The following OTULINL variants were observed in gnomAD, a reference collection of about 807,000 sequenced individuals.
The protein encoded by OTULINL is OTU deubiquitinase with linear linkage specificity like, also known as inactive ubiquitin thioesterase OTULINL.
Under a neutral mutation model 43.9 loss-of-function variants are expected in OTULINL, and 42 were observed. That is an observed-to-expected ratio of 0.96 (90% confidence interval 0.75 to 1.24). The LOEUF (loss-of-function observed/expected upper bound fraction) is 1.24. Among genes scored for constraint, OTULINL ranks in the 50% most tolerant of loss-of-function variants. The probability of loss-of-function intolerance (pLI) is 0.00; values close to 1 mark genes in which losing one functional copy is unlikely to be tolerated. For missense variants in OTULINL, 411 were observed against 426.4 expected (o/e 0.96, Z 0.32); for synonymous variants, 172 against 153.6 (o/e 1.12, Z -0.88).
At chr5:14,595,045 T>G (rs1162900332) in intron 1 of OTULINL, among the ~76,000 whole-genome samples, 1 of 152,196 alleles carries the variant, frequency 6.6e-6, no homozygotes, top group Non-Finnish European at 1.5e-5. Context: ...TTAAGTTCTT[T>G]TAGCCAGGTG....
chr5:14,590,385 G>A (rs892099973), intron 1 of OTULINL, among the ~76,000 whole-genome samples: 1 of 152,188 alleles, frequency 6.6e-6, no homozygotes. Context: ...TGTTTCCAAG[G>A]GGTTTGAGAA....
intron 1 of OTULINL, among the ~76,000 whole-genome samples, chr5:14,592,674 G>A (rs1206698100): frequency 6.6e-6 from 1 of 152,180 alleles, no homozygotes; most frequent in Non-Finnish European, 1.5e-5. Context: ...TTAGCCCAAA[G>A]CATTCTGCAA....
rs1249478192 is a variant in OTULINL, at chr5:14,610,264, A to G, written c.1021A>G (p.Ile341Val). ...PEEPLRDWPE[I>V]SLLTENDRHY... ...GGAGCCTCTCAGGGACTGGCCGGAGATCTCCCTGCTGACCGAGAACGACCG... is the reference window on the plus strand; with the variant it reads ...GGAGCCTCTCAGGGACTGGCCGGAGGTCTCCCTGCTGACCGAGAACGACCG... The change falls in exon 8 of 8, where the codon ATC becomes GTC. Residue 341 changes from isoleucine to valine, a missense_variant. Ile to Val is a conservative substitution (Grantham distance 29, BLOSUM62 3). Coordinates refer to ENST00000274217, the MANE Select transcript of OTULINL (RefSeq NM_019018.3). 1 of 1,613,562 alleles carries G rather than the reference A, an allele frequency of 6.2e-7. No homozygotes were observed. The highest frequency in any genetic ancestry group is 8.5e-7 in the Non-Finnish European group (1 of 1,180,006).
intron 1 of OTULINL, among the ~76,000 whole-genome samples, chr5:14,583,008 G>A (rs906779468): frequency 3.3e-5 from 5 of 152,032 alleles, no homozygotes; most frequent in African/African-American, 9.7e-5. Context: ...ATATTTGTCT[G>A]GAGCCCACTA....
chr5:14,614,878 C>A lies in OTULINL; in HGVS notation c.*4564C>A. ...ACGTATTGGTCCTTATAGTCAGTAC[C>A]ATCAGGTCTTAGATTGTTAAGTCAT... On this transcript the variant is annotated 3_prime_UTR_variant, in exon 8 of 8. Transcript: ENST00000274217. The A allele has an allele frequency of 2.5e-6, 1 of 397,414 alleles. No individual in the cohort carries two copies. Among genetic ancestry groups the A allele is most frequent in the South Asian group, 1.4e-4 (1 of 7,032 alleles). 24.6% of individuals were successfully genotyped at this position (397,414 alleles called of 1,614,324 possible).
At position 14,610,145 on chromosome 5, in the gene OTULINL, A is replaced by T; in HGVS notation, c.902A>T (p.Asp301Val). The T allele has an allele frequency of 6.2e-7, 1 of 1,612,684 alleles. No individual in the cohort carries two copies. The highest frequency in any genetic ancestry group is 8.5e-7 in the Non-Finnish European group (1 of 1,178,836). ...TGTCTTTCATCTCATCCACAGATTG[A>T]TATGTTTATACTTGGATACTCCCTT... is the stretch of plus-strand genomic sequence containing the variant. ...VGDTCGLEQI[D>V]MFILGYSLEV... is the part of the protein sequence containing the mutation. The change falls in exon 8 of 8, where the codon GAT becomes GTT. Residue 301 changes from aspartate to valine, a missense_variant. Transcript: ENST00000274217.
rs767235893 is a variant in OTULINL at position 14,610,297 on chromosome 5, C to G, written c.1054C>G (p.His352Asp). Residue 352 changes from histidine to aspartate, a missense_variant, in exon 8 of 8, where the codon CAC becomes GAC. His to Asp is a moderately conservative substitution (Grantham distance 81). Transcript: ENST00000274217. ...SLLTENDRHY[H>D]IPVF ...GCTGACCGAGAACGACCGCCACTACCACATTCCAGTCTTTTAAGTCCGCTG... is the reference window on the plus strand; with the variant it reads ...GCTGACCGAGAACGACCGCCACTACGACATTCCAGTCTTTTAAGTCCGCTG... 1.2e-6 allele frequency: 2 copies of G among 1,612,930 alleles called. No homozygotes were observed. The highest frequency in any genetic ancestry group is 1.7e-5 in the Admixed American group (1 of 60,010).
At chr5:14,605,847 A>G (rs193110794) in intron 5 of OTULINL, among the ~76,000 whole-genome samples, 57 of 152,296 alleles carry the variant, frequency 3.7e-4, no homozygotes, top group East Asian at 1.2e-3. Context: ...CATTATCCAT[A>G]TCATTATCAG....
chr5:14,589,486 A>C (rs1281556693), intron 1 of OTULINL, among the ~76,000 whole-genome samples: 2 of 152,088 alleles, frequency 1.3e-5, no homozygotes, highest in African/African-American at 4.8e-5. Context: ...GGGTCAGACC[A>C]TGAGGGGGAC....
In OTULINL at chr5:14,615,790, A is replaced by G. The variant is rs1759663425; in HGVS notation, c.*5476A>G. Among the ~76,000 whole-genome samples, 1 of 152,238 alleles carries G rather than the reference A, an allele frequency of 6.6e-6. No homozygotes were observed. Among genetic ancestry groups the G allele is most frequent in the South Asian group, 2.1e-4 (1 of 4,832 alleles). On this transcript the variant is annotated 3_prime_UTR_variant, in exon 8 of 8. Transcript: ENST00000274217. ...CCATTTGGTGTGTATTTCACAGGGTAACAATGAAGTGCTCCAATCTGCTTG... is the reference window on the plus strand; with the variant it reads ...CCATTTGGTGTGTATTTCACAGGGTGACAATGAAGTGCTCCAATCTGCTTG...
chr5:14,608,982 C>G lies in OTULINL; in HGVS notation c.862C>G (p.Leu288Val), dbSNP rs138585294. 1.2e-6 allele frequency: 2 copies of G among 1,613,856 alleles called. No homozygotes were observed. Among genetic ancestry groups the G allele is most frequent in the South Asian group, 2.2e-5 (2 of 91,056 alleles). Residue 288 changes from leucine to valine, a missense_variant, in exon 7 of 8, where the codon CTG becomes GTG. Coordinates refer to ENST00000274217, the MANE Select transcript of OTULINL (RefSeq NM_019018.3). Reference protein sequence around the residue: ...SDPLSFMMNHLNSVGDTCGLE... With the variant: ...SDPLSFMMNHVNSVGDTCGLE... ...TCCTTTGAGCTTCATGATGAATCAC[C>G]TGAATTCTGTAGGCGACACATGTGG...
intron 5 of OTULINL, 140 bp downstream of exon 5, chr5:14,602,472 G>A (rs979868604): frequency 3.9e-5 from 28 of 712,888 alleles, no homozygotes; most frequent in Admixed American, 5.6e-5. Flanking sequence ...AGATCTCACT[G>A]TCACCCAGGA....
intron 2 of OTULINL, 42 bp from the exon 3 acceptor site, chr5:14,601,171 C>T: frequency 6.2e-7 from 1 of 1,611,860 alleles, no homozygotes; most frequent in South Asian, 1.1e-5. Context: ...CTTTACTATT[C>T]AAAGCAGAAT....
chr5:14,592,443 G>A (rs1759220608), intron 1 of OTULINL, among the ~76,000 whole-genome samples: 1 of 152,184 alleles, frequency 6.6e-6, no homozygotes, highest in Admixed American at 6.5e-5. Flanking sequence ...TTCAAGTTCA[G>A]ACTTCTACTT....
At chr5:14,587,541 A>G (rs970181076) in intron 1 of OTULINL, among the ~76,000 whole-genome samples, 3 of 152,184 alleles carry the variant, frequency 2.0e-5, no homozygotes, top group African/African-American at 7.2e-5. Flanking sequence ...TTGAAATGGA[A>G]ACATAGCCAA....
chr5:14,593,421 C>T (rs1447953473), intron 1 of OTULINL, among the ~76,000 whole-genome samples: 1 of 152,146 alleles, frequency 6.6e-6, no homozygotes, highest in African/African-American at 2.4e-5. Flanking sequence ...AGTGATTAGT[C>T]CTCTAGCTAG....
chr5:14,590,930 T>C (rs17571949), intron 1 of OTULINL, among the ~76,000 whole-genome samples: 13,508 of 152,112 alleles, frequency 0.089, 620 homozygotes, highest in Middle Eastern at 0.12. Flanking sequence ...AGTTTTGCAT[T>C]GTAAAGAGTT....
chr5:14,614,484 A>T lies in OTULINL; in HGVS notation c.*4170A>T. The T allele has an allele frequency of 2.5e-6, 1 of 397,664 alleles. No homozygotes were observed. Among genetic ancestry groups the T allele is most frequent in the Non-Finnish European group, 4.4e-6 (1 of 225,922 alleles). 24.6% of individuals were successfully genotyped at this position (397,664 alleles called of 1,614,324 possible). A position where few individuals can be genotyped will look rare whatever the true frequency, so the allele number is the denominator to read the frequency against. On this transcript the variant is annotated 3_prime_UTR_variant, in exon 8 of 8. Transcript: ENST00000274217. ...CTATGTTATTTGTTCAGAATAGTGG[A>T]TCTTTGCTTAATTCACTTCTGTTTT...
intron 1 of OTULINL, among the ~76,000 whole-genome samples, chr5:14,594,336 C>G (rs1028931684): frequency 6.6e-6 from 1 of 152,194 alleles, no homozygotes; most frequent in Admixed American, 6.5e-5. Flanking sequence ...TTTGTTTAGA[C>G]TAATGTACAA....
Sources: gnomAD v4.1 joint callset for allele counts (sites outside exome capture counted in the v4.1 genomes callset) on GRCh38, gnomAD v4.1.1 for gene constraint, MANE v1.5 for transcripts, NCBI Gene and HGNC (gene_info 2026-07-23, HGNC 2026-07-21) for gene names.